The following ARHGAP39 variants were observed in gnomAD, a reference collection of about 807,000 sequenced individuals.
The protein encoded by ARHGAP39 is Rho GTPase activating protein 39.
ARHGAP39 carries 44 observed loss-of-function variants against 106.9 expected under a neutral mutation model. The observed-to-expected ratio is 0.41, with a 90% CI of 0.32 to 0.53. The LOEUF is 0.53. ARHGAP39 is among the 20% of genes least tolerant of loss of function. The pLI, the probability that ARHGAP39 is intolerant of heterozygous loss-of-function variation, is 0.21. For synonymous variants in ARHGAP39, 768 were observed against 693.2 expected (o/e 1.11, Z -1.69); for missense variants, 1,496 against 1,577.3 (o/e 0.95, Z 0.87).
chr8:144,580,897 G>A lies in ARHGAP39; in HGVS notation c.461C>T (p.Ala154Val). The change falls in exon 3 of 12, where the codon GCG (alanine) becomes GTG (valine). Residue 154 changes from alanine (A) to valine (V), a missense_variant. Physicochemically the swap from Ala to Val is moderately conservative, Grantham distance 64. Transcript: ENST00000377307. ...PDTEKAQELP[A>V]RAGRPAAFGT... Reference sequence around the variant, plus strand: ...AAACGCCGCGGGCCGCCCGGCCCTCGCTGGCAACTCCTGCGCTTTCTCAGT... The same window carrying A: ...AAACGCCGCGGGCCGCCCGGCCCTCACTGGCAACTCCTGCGCTTTCTCAGT... 6.3e-7 allele frequency: 1 copy of A among 1,596,420 alleles called. No individual in the cohort carries two copies. The highest frequency in any genetic ancestry group is 8.5e-7 in the Non-Finnish European group (1 of 1,175,256).
chr8:144,687,806 A>G (rs942405345), upstream of ARHGAP39, among the ~76,000 whole-genome samples: 2 of 112,998 alleles, frequency 1.8e-5, no homozygotes, highest in Non-Finnish European at 1.6e-5. Flanking sequence ...CCGTGACCAC[A>G]CACTGGCGGT....
intron 1 of ARHGAP39, among the ~76,000 whole-genome samples, chr8:144,606,166 C>A (rs1354579686): frequency 6.6e-6 from 1 of 152,252 alleles, no homozygotes; most frequent in Non-Finnish European, 1.5e-5. Context: ...CACGGGGCCA[C>A]ACGTGTAGCA....
intron 1 of ARHGAP39, among the ~76,000 whole-genome samples, chr8:144,662,563 G>A (rs1354086410): frequency 3.8e-5 from 5 of 130,318 alleles, no homozygotes; most frequent in African/African-American, 6.0e-5. Context: ...ACCTTGGACC[G>A]CTCCCCCTCC....
At chr8:144,565,374 A>G (rs987020048) in intron 3 of ARHGAP39, among the ~76,000 whole-genome samples, 18 of 152,222 alleles carry the variant, frequency 1.2e-4, no homozygotes, top group African/African-American at 4.3e-4. Context: ...GCTACAAAAA[A>G]CAGAGGAAAA....
Position 144,548,537 on chromosome 8 carries a change from T to C in ARHGAP39, c.597-48A>G. On this transcript the variant is annotated intron_variant, in intron 4 of 11. Transcript: ENST00000377307. This position sits in a 1 kb window ranked among gnomAD's most constrained non-coding sequence, Gnocchi z 7.4. ...CAGGTGACTGCCTGCCTGCTGCTTC[T>C]GGGCACGCCCCACCCCCTCGGGGGC... 6.3e-7 allele frequency: 1 copy of C among 1,578,802 alleles called. No individual in the cohort carries two copies. The highest frequency in any genetic ancestry group is 8.6e-7 in the Non-Finnish European group (1 of 1,165,840).
chr8:144,579,278 A>T (rs1818881901), intron 3 of ARHGAP39, among the ~76,000 whole-genome samples: 1 of 152,124 alleles, frequency 6.6e-6, no homozygotes, highest in Non-Finnish European at 1.5e-5. Context: ...GCAAACCAAA[A>T]CTACAATGAG....
chr8:144,619,797 TG>T (rs1820742373), intron 1 of ARHGAP39, among the ~76,000 whole-genome samples: 1 of 148,548 alleles, frequency 6.7e-6, no homozygotes, highest in East Asian at 2.0e-4. Context: ...AGAGAGCGCG[TG>T]CCCGTGTGTG....
In ARHGAP39 at chr8:144,610,040, C is replaced by T. The variant is rs191388676; in HGVS notation, c.-81-4345G>A. ...AGCAGGCTCTAAAAATTTCTTCTTA[C>T]GTGAGTATGAATGGTTTGTCTTTCA... On this transcript the variant is annotated intron_variant, in intron 1 of 11. Transcript: ENST00000377307. Among the ~76,000 whole-genome samples, 195 of 152,288 alleles carry T rather than the reference C, an allele frequency of 1.3e-3. 1 individual carries two copies. The highest frequency in any genetic ancestry group is 2.3e-3 in the Non-Finnish European group (156 of 68,028).
chr8:144,598,860 G>C (rs1586595169), intron 2 of ARHGAP39, among the ~76,000 whole-genome samples: 1 of 152,334 alleles, frequency 6.6e-6, no homozygotes, highest in East Asian at 1.9e-4. Flanking sequence ...GACACATTTA[G>C]TGGAACATTT....
chr8:144,547,118 G>A lies in ARHGAP39; in HGVS notation c.1959+9C>T, dbSNP rs1326239172. 6.4e-7 allele frequency: 1 copy of A among 1,573,114 alleles called. No homozygotes were observed. The highest frequency in any genetic ancestry group is 1.4e-5 in the African/African-American group (1 of 73,770). ...CTCTCAAGCTCAGCCGCGCCCATTG[G>A]GCCCTCACCTGTGAGGGGTGGAGGT... is the stretch of plus-strand genomic sequence containing the variant. On this transcript the variant is annotated intron_variant, in intron 5 of 11. Coordinates refer to ENST00000377307, the MANE Select transcript of ARHGAP39 (RefSeq NM_025251.3). This position sits in a 1 kb window ranked among gnomAD's most constrained non-coding sequence, Gnocchi z 5.2.
chr8:144,677,169 T>A (rs991824031), intron 1 of ARHGAP39, among the ~76,000 whole-genome samples: 2 of 152,252 alleles, frequency 1.3e-5, no homozygotes, highest in East Asian at 3.9e-4. Context: ...ACATTGTGTT[T>A]ATCCGTTCAT....
chr8:144,596,852 C>T (rs1264025067), intron 2 of ARHGAP39, among the ~76,000 whole-genome samples: 3 of 152,248 alleles, frequency 2.0e-5, no homozygotes, highest in Non-Finnish European at 2.9e-5. Context: ...GGGTACCACA[C>T]CCCTAAGCAC....
At position 144,530,772 on chromosome 8, in the gene ARHGAP39, G is replaced by A. The variant is rs754679987; in HGVS notation, c.3080C>T (p.Ala1027Val). 2 of 1,611,108 alleles carry A rather than the reference G, an allele frequency of 1.2e-6. No individual in the cohort carries two copies. Among genetic ancestry groups the A allele is most frequent in the South Asian group, 1.1e-5 (1 of 90,828 alleles). The stretch of plus-strand genomic sequence containing the variant: ...GGGCAGCGCGTGCACCACGGCCACC[G>A]CCGCCTCGGGGCTGTCGTAGTGCGC... ...CIAHYDSPEA[A>V]VAVVHALPRI... The change falls in exon 11 of 12, where the codon GCG (alanine) becomes GTG (valine). Residue 1027 changes from alanine (A) to valine (V), a missense_variant. This residue lies in a region of ARHGAP39 where 470 missense variants were observed against 605.1 expected (regional missense o/e 0.78). Coordinates refer to ENST00000377307, the MANE Select transcript of ARHGAP39 (RefSeq NM_025251.3).
At chr8:144,598,311 CGTT>C (rs1819707413) in intron 2 of ARHGAP39, among the ~76,000 whole-genome samples, 1 of 152,018 alleles carries the variant, frequency 6.6e-6, no homozygotes, top group Admixed American at 6.6e-5. Flanking sequence ...GGCTTTTCCA[CGTT>C]GTGTGTAAAG....
chr8:144,618,425 G>A (rs1400735641), intron 1 of ARHGAP39, among the ~76,000 whole-genome samples: 1 of 152,256 alleles, frequency 6.6e-6, no homozygotes, highest in African/African-American at 2.4e-5. Flanking sequence ...GCCTGTGTTC[G>A]TGGGTAGTTT....
At chr8:144,574,693 A>G (rs1818709966) in intron 3 of ARHGAP39, among the ~76,000 whole-genome samples, 1 of 152,146 alleles carries the variant, frequency 6.6e-6, no homozygotes, top group Non-Finnish European at 1.5e-5. Context: ...AAATAATAAT[A>G]ATAAAAAATA....
chr8:144,576,011 C>T (rs1193510949), intron 3 of ARHGAP39, among the ~76,000 whole-genome samples: 1 of 152,152 alleles, frequency 6.6e-6, no homozygotes, highest in East Asian at 1.9e-4. Context: ...CCAAACTAAT[C>T]CATAATTCAA....
intron 1 of ARHGAP39, among the ~76,000 whole-genome samples, chr8:144,678,332 G>A (rs1172614984): frequency 2.6e-5 from 4 of 152,100 alleles, no homozygotes; most frequent in Non-Finnish European, 4.4e-5. Flanking sequence ...AGTCTAGAGG[G>A]GAGAAAATAT....
chr8:144,548,598 A>G lies in ARHGAP39; in HGVS notation c.597-109T>C, dbSNP rs1817577081. ...GGCTCCCGCGAACCCTCTGTTGTAC[A>G]CCTTCCTCGCTGGGGCCCTGTGGCC... On this transcript the variant is annotated intron_variant, in intron 4 of 11. Transcript: ENST00000377307. This position sits in a 1 kb window ranked among gnomAD's most constrained non-coding sequence, Gnocchi z 7.4. 1 of 1,398,018 alleles carries G rather than the reference A, an allele frequency of 7.2e-7. No individual in the cohort carries two copies. Among genetic ancestry groups the G allele is most frequent in the African/African-American group, 1.4e-5 (1 of 69,084 alleles). The allele number at this position is 1,398,018 out of a possible 1,614,324, so 86.6% of individuals were successfully genotyped here. A position where few individuals can be genotyped will look rare whatever the true frequency, so the allele number is the denominator to read the frequency against.
Sources: gnomAD v4.1 joint callset for allele counts (sites outside exome capture counted in the v4.1 genomes callset) on GRCh38, gnomAD v4.1.1 for gene constraint, gnomAD v4.1.1 regional missense constraint, Gnocchi (gnomAD v3.1) non-coding constraint, MANE v1.5 for transcripts, NCBI Gene and HGNC (gene_info 2026-07-23, HGNC 2026-07-21) for gene names.